The following DNAAF5 variants were observed in gnomAD, a reference collection of about 807,000 sequenced individuals.
The protein encoded by DNAAF5 is dynein axonemal assembly factor 5.
A neutral mutation model predicts 75.8 loss-of-function variants in DNAAF5; 64 were observed. The ratio of observed to expected loss-of-function variants is 0.84; its 90% CI spans 0.69 to 1.04. The LOEUF is 1.04. Ranked by LOEUF, DNAAF5 falls within the 50% of genes least tolerant of loss-of-function variation. DNAAF5 has a pLI of 0.00. For synonymous variants in DNAAF5, 657 were observed against 557.2 expected, an observed-to-expected ratio of 1.18 and a Z score of -2.52; for missense variants, 1,269 against 1,178.5, an observed-to-expected ratio of 1.08 and a Z score of -1.12.
In DNAAF5 at chr7:729,863, C is replaced by A; in HGVS notation, c.780+16C>A. 1 of 1,613,198 alleles carries A rather than the reference C, an allele frequency of 6.2e-7. No homozygotes were observed. Among genetic ancestry groups the A allele is most frequent in the Non-Finnish European group, 8.5e-7 (1 of 1,179,310 alleles). ...CGTCCCGCAGGTAACTGGTGTTTCTCCTGGACAGTCTGTTCCTCTCTCCAA... is the reference window on the plus strand; with the variant it reads ...CGTCCCGCAGGTAACTGGTGTTTCTACTGGACAGTCTGTTCCTCTCTCCAA... On this transcript the variant is annotated intron_variant, in intron 2 of 12. Transcript: ENST00000297440.
At position 785,556 on chromosome 7, in the gene DNAAF5, T is replaced by TG; in HGVS notation, c.2473dup (p.Val825GlyfsTer65). On this transcript the variant is annotated frameshift_variant, in exon 13 of 13. Coordinates refer to ENST00000297440, the MANE Select transcript of DNAAF5 (RefSeq NM_017802.4). LOFTEE classifies it high-confidence loss of function. ...GGCAGCGGGCTGTTCCCAGATCTCC[T>TG]GGTGAGGGAGACGGAGGCCGTCATC... The TG allele has an allele frequency of 6.2e-7, 1 of 1,613,628 alleles. No homozygotes were observed. The highest frequency in any genetic ancestry group is 8.5e-7 in the Non-Finnish European group (1 of 1,179,996).
chr7:773,710 C>T (rs945516512), intron 9 of DNAAF5, among the ~76,000 whole-genome samples: 5 of 152,178 alleles, frequency 3.3e-5, no homozygotes, highest in African/African-American at 1.2e-4. Context: ...CTAGCCCAGG[C>T]GTCACTCAGG....
At chr7:764,908 A>C (rs1782773618) in intron 8 of DNAAF5, among the ~76,000 whole-genome samples, 1 of 152,276 alleles carries the variant, frequency 6.6e-6, no homozygotes, top group East Asian at 1.9e-4. Flanking sequence ...TCATCTCTAC[A>C]AAAAGATGAA....
At chr7:758,845 G>C (rs1238390143) in intron 6 of DNAAF5, among the ~76,000 whole-genome samples, 3 of 152,036 alleles carry the variant, frequency 2.0e-5, no homozygotes, top group Non-Finnish European at 4.4e-5. Flanking sequence ...ACCACACCCG[G>C]CTAATTTTTG....
chr7:733,988 T>A (rs1781660572), intron 2 of DNAAF5, among the ~76,000 whole-genome samples: 1 of 152,268 alleles, frequency 6.6e-6, no homozygotes, highest in South Asian at 2.1e-4. Context: ...AATTTGTTTA[T>A]CTGTTCTAAT....
intron 12 of DNAAF5, among the ~76,000 whole-genome samples, chr7:781,273 G>T (rs921409937): frequency 6.6e-6 from 1 of 152,126 alleles, no homozygotes; most frequent in South Asian, 2.1e-4. Context: ...GAGAATGTGC[G>T]GAATTTGCCC....
At chr7:771,381 G>C (rs1158901967) in intron 9 of DNAAF5, 2 of 152,270 alleles carry the variant, frequency 1.3e-5, no homozygotes, top group Admixed American at 1.3e-4. Context: ...AGAGCAAAAG[G>C]TGCCGTCAGC....
Position 763,820 on chromosome 7 carries a change from G to C in DNAAF5, c.1629G>C (p.Met543Ile). ...GTAACCTCCAGGCACAGGAGACGATGGACTCACTGGCCATGGTGGAGGGTG... is the reference window on the plus strand; with the variant it reads ...GTAACCTCCAGGCACAGGAGACGATCGACTCACTGGCCATGGTGGAGGGTG... Reference protein sequence around the residue: ...TGLRDKAQETMDSLAMVEGVS... With the variant: ...TGLRDKAQETIDSLAMVEGVS... The change falls in exon 8 of 13, where the codon ATG becomes ATC. Residue 543 changes from methionine (M) to isoleucine (I), a missense_variant. Coordinates refer to ENST00000297440, the MANE Select transcript of DNAAF5 (RefSeq NM_017802.4). 1 of 1,613,418 alleles carries C rather than the reference G, an allele frequency of 6.2e-7. No individual in the cohort carries two copies. Among genetic ancestry groups the C allele is most frequent in the Non-Finnish European group, 8.5e-7 (1 of 1,180,022 alleles).
intron 4 of DNAAF5, among the ~76,000 whole-genome samples, chr7:753,950 G>T (rs979073514): frequency 7.2e-6 from 1 of 139,430 alleles, no homozygotes; most frequent in Admixed American, 7.2e-5. Context: ...GGACGGCTTC[G>T]CAGGCGTGTC....
intron 10 of DNAAF5, among the ~76,000 whole-genome samples, chr7:774,420 G>A (rs538421101): frequency 6.6e-6 from 1 of 152,202 alleles, no homozygotes; most frequent in Non-Finnish European, 1.5e-5. Flanking sequence ...GCCAGGCCGC[G>A]GGCCCAGCCA....
intron 8 of DNAAF5, chr7:768,474 G>C (rs572838654): frequency 6.6e-6 from 1 of 152,208 alleles, no homozygotes; most frequent in African/African-American, 2.4e-5. Flanking sequence ...TGGTCCGGGC[G>C]GAAGTGTCCG....
Position 786,052 on chromosome 7 carries a change from T to G in DNAAF5, c.*399T>G, listed in dbSNP as rs1422584901. 1 of 164,076 alleles carries G rather than the reference T, an allele frequency of 6.1e-6. No individual in the cohort carries two copies. The highest frequency in any genetic ancestry group is 6.3e-5 in the Admixed American group (1 of 15,966). The allele number at this position is 164,076 out of a possible 1,614,324, so 10.2% of individuals were successfully genotyped here. On this transcript the variant is annotated 3_prime_UTR_variant, in exon 13 of 13. Coordinates refer to ENST00000297440, the MANE Select transcript of DNAAF5 (RefSeq NM_017802.4). ...TTAACAAAAAAGAAAGAAGCCAAAG[T>G]GATTAGAAAGAAATGAAATCTCTTT...
At chr7:760,988 G>C (rs1294504849) in intron 6 of DNAAF5, among the ~76,000 whole-genome samples, 1 of 152,264 alleles carries the variant, frequency 6.6e-6, no homozygotes, top group Non-Finnish European at 1.5e-5. Flanking sequence ...TGCGTGTTCT[G>C]CCTGCCTGGG....
chr7:743,142 T>A (rs1781967726), intron 4 of DNAAF5, among the ~76,000 whole-genome samples: 1 of 152,116 alleles, frequency 6.6e-6, no homozygotes, highest in African/African-American at 2.4e-5. Flanking sequence ...GGTGGGAGGA[T>A]CACCTGAGCC....
intron 9 of DNAAF5, among the ~76,000 whole-genome samples, chr7:773,148 A>C (rs1778629598): frequency 6.6e-6 from 1 of 152,148 alleles, no homozygotes; most frequent in African/African-American, 2.4e-5. Context: ...ACGGTGCCGA[A>C]AATGGCAGCT....
At chr7:780,692 G>A (rs1030812149) in intron 12 of DNAAF5, among the ~76,000 whole-genome samples, 41 of 152,188 alleles carry the variant, frequency 2.7e-4, no homozygotes, top group African/African-American at 7.7e-4. Context: ...CGCCAACAGC[G>A]ACACAGGCCG....
intron 4 of DNAAF5, among the ~76,000 whole-genome samples, chr7:741,672 G>T (rs1334528928): frequency 2.6e-5 from 4 of 152,218 alleles, no homozygotes; most frequent in Non-Finnish European, 5.9e-5. Context: ...GCCCCCATGT[G>T]CCTTGCAGTG....
chr7:765,125 A>G (rs1018148811), intron 8 of DNAAF5, among the ~76,000 whole-genome samples: 13 of 152,120 alleles, frequency 8.5e-5, no homozygotes, highest in Admixed American at 8.5e-4. Context: ...TGTCTCTAAA[A>G]CCAAACAAAA....
chr7:736,388 C>A (rs1231164850), intron 2 of DNAAF5, among the ~76,000 whole-genome samples: 3 of 152,196 alleles, frequency 2.0e-5, no homozygotes, highest in Non-Finnish European at 4.4e-5. Context: ...CTGGATACTC[C>A]AGTGTTGGGT....
Sources: gnomAD v4.1 joint callset for allele counts (sites outside exome capture counted in the v4.1 genomes callset) on GRCh38, gnomAD v4.1.1 for gene constraint, MANE v1.5 for transcripts, NCBI Gene and HGNC (gene_info 2026-07-23, HGNC 2026-07-21) for gene names.